UBA6: variants seen among roughly 807,000 people sequenced by gnomAD.
The protein encoded by UBA6 is ubiquitin like modifier activating enzyme 6.
UBA6 carries 87 observed loss-of-function variants against 148.3 expected under a neutral mutation model. That is an observed-to-expected ratio of 0.59 (90% confidence interval 0.49 to 0.70). The LOEUF (loss-of-function observed/expected upper bound fraction) is 0.70. UBA6 is among the 30% of genes least tolerant of loss of function. UBA6 has a pLI of 0.00. For synonymous variants in UBA6, 376 were observed against 401.0 expected (o/e 0.94, Z 0.75); for missense variants, 1,186 against 1,241.2 (o/e 0.96, Z 0.67).
intron 13 of UBA6, among the ~76,000 whole-genome samples, chr4:67,650,722 G>C (rs17571043): frequency 0.2 from 30,778 of 152,038 alleles, 3,373 homozygotes; most frequent in Middle Eastern, 0.3. Context: ...GAGAGTGAAA[G>C]GCCTTATGGT....
chr4:67,687,520 C>T (rs1730601834), intron 2 of UBA6, among the ~76,000 whole-genome samples: 1 of 152,114 alleles, frequency 6.6e-6, no homozygotes, highest in South Asian at 2.1e-4. Flanking sequence ...TAGATATTTG[C>T]TGAACATCTA....
intron 13 of UBA6, among the ~76,000 whole-genome samples, chr4:67,650,530 A>G (rs567835759): frequency 6.6e-6 from 1 of 152,202 alleles, no homozygotes; most frequent in Non-Finnish European, 1.5e-5. Flanking sequence ...AAACATATGC[A>G]TAATCACAAG....
rs1728636359 is a variant in UBA6, at chr4:67,616,791, AT to A, written c.*2205del. On this transcript the variant is annotated 3_prime_UTR_variant, in exon 33 of 33. Transcript: ENST00000322244. ...CTCTGGAGTCAACTTATGAAACATG[AT>A]TTACAAAGATATTCTTACATTTCTT... 1 of 152,174 alleles carries A rather than the reference AT, an allele frequency of 6.6e-6. No individual in the cohort carries two copies. The highest frequency in any genetic ancestry group is 1.5e-5 in the Non-Finnish European group (1 of 67,990). 9.4% of individuals were successfully genotyped at this position (152,174 alleles called of 1,614,324 possible).
At chr4:67,690,488 C>A (rs1218425923) in intron 2 of UBA6, among the ~76,000 whole-genome samples, 16 of 151,872 alleles carry the variant, frequency 1.1e-4, no homozygotes, top group Admixed American at 1.1e-3. Context: ...AGGAAACAGT[C>A]AACAAAATCA....
At chr4:67,670,226 G>C (rs1195103654) in intron 8 of UBA6, among the ~76,000 whole-genome samples, 1 of 152,154 alleles carries the variant, frequency 6.6e-6, no homozygotes, top group Non-Finnish European at 1.5e-5. Flanking sequence ...TTGTAGGCGT[G>C]AGCCACCATG....
chr4:67,635,327 C>T (rs913706595), intron 20 of UBA6, 126 bp downstream of exon 20: 9 of 554,780 alleles, frequency 1.6e-5, no homozygotes, highest in Non-Finnish European at 2.9e-5. Flanking sequence ...TGTACATGCA[C>T]ATATGTATGA....
intron 19 of UBA6, chr4:67,638,430 TTCC>T (rs2109910074): frequency 6.2e-6 from 1 of 162,248 alleles, no homozygotes; most frequent in Non-Finnish European, 1.4e-5. Flanking sequence ...ATGCTCACGT[TTCC>T]TCCTCTAGTA....
chr4:67,678,361 T>C (rs983216664), intron 5 of UBA6, 78 bp downstream of exon 5: 4 of 792,934 alleles, frequency 5.0e-6, no homozygotes, highest in East Asian at 2.9e-5. Flanking sequence ...CTATGACTGA[T>C]TGGTGTTCTA....
At position 67,624,999 on chromosome 4, in the gene UBA6, C is replaced by T. The variant is rs1294766603; in HGVS notation, c.2707G>A (p.Gly903Ser). 1 of 1,599,204 alleles carries T rather than the reference C, an allele frequency of 6.3e-7. No individual in the cohort carries two copies. Among genetic ancestry groups the T allele is most frequent in the East Asian group, 2.2e-5 (1 of 44,698 alleles). Residue 903 changes from glycine (G) to serine (S), a missense_variant, in exon 29 of 33, where the codon GGC becomes AGC. Coordinates refer to ENST00000322244, the MANE Select transcript of UBA6 (RefSeq NM_018227.6). ...TCAAGGAATAATAAACTTACCAAGC[C>T]AGAAACTGTAGCAGTGGTTGTTGCT... ...AIATTTATVSGLVALEMIKVT... is the reference protein window; with the variant it reads ...AIATTTATVSSLVALEMIKVT...
intron 1 of UBA6, among the ~76,000 whole-genome samples, chr4:67,699,647 C>G (rs984027768): frequency 4.6e-5 from 7 of 152,170 alleles, no homozygotes; most frequent in African/African-American, 1.7e-4. Flanking sequence ...GTCACCCAGA[C>G]TGGAGTGCAG....
chr4:67,695,681 A>G (rs1238065008), intron 2 of UBA6, among the ~76,000 whole-genome samples: 1 of 152,202 alleles, frequency 6.6e-6, no homozygotes, highest in Non-Finnish European at 1.5e-5. Context: ...TAAATGTACT[A>G]ATTCAGTTAA....
chr4:67,633,657 G>A (rs1326199533), intron 22 of UBA6, among the ~76,000 whole-genome samples, 184 bp from the exon 23 acceptor site: 3 of 151,866 alleles, frequency 2.0e-5, no homozygotes, highest in Non-Finnish European at 4.4e-5. Flanking sequence ...TTTGAGAAGG[G>A]GAATGGTAAG....
chr4:67,630,372 T>C (rs766701009), intron 26 of UBA6, 94 bp downstream of exon 26: 1 of 833,146 alleles, frequency 1.2e-6, no homozygotes, highest in Non-Finnish European at 1.9e-6. Context: ...GTGATTCTTA[T>C]AACAAACAAA....
intron 19 of UBA6, among the ~76,000 whole-genome samples, chr4:67,635,900 T>C (rs1729127496): frequency 6.6e-6 from 1 of 152,212 alleles, no homozygotes. Flanking sequence ...ATATTTTCTT[T>C]ATCCCAAATA....
At chr4:67,644,872 T>C (rs1729386978) in intron 16 of UBA6, 94 bp from the exon 17 acceptor site, 1 of 591,860 alleles carries the variant, frequency 1.7e-6, no homozygotes, top group Admixed American at 3.0e-5. Flanking sequence ...TTTACCACTG[T>C]TTCAACGAAA....
intron 25 of UBA6, 63 bp downstream of exon 25, chr4:67,631,645 T>G (rs996591154): frequency 2.4e-5 from 30 of 1,229,986 alleles, no homozygotes; most frequent in Middle Eastern, 5.5e-4. Flanking sequence ...AATGTACAGT[T>G]AAGGAATTTA....
In UBA6 at chr4:67,624,943, G is replaced by C. The variant is rs955095401; in HGVS notation, c.2712+51C>G. 11 of 1,491,252 alleles carry C rather than the reference G, an allele frequency of 7.4e-6. No individual in the cohort carries two copies. In the African/African-American group the frequency reaches 1.5e-4, roughly 20 times the overall value. The allele number at this position is 1,491,252 out of a possible 1,614,324, so 92.4% of individuals were successfully genotyped here. A position where few individuals can be genotyped will look rare whatever the true frequency, so the allele number is the denominator to read the frequency against. Reference sequence around the variant, plus strand: ...TGGGTTGGTATGACGGGGAAGTCAGGGAAGAGGCAATGAAAAAGGAGCATT... The same window carrying C: ...TGGGTTGGTATGACGGGGAAGTCAGCGAAGAGGCAATGAAAAAGGAGCATT... On this transcript the variant is annotated intron_variant, in intron 29 of 32. Coordinates refer to ENST00000322244, the MANE Select transcript of UBA6 (RefSeq NM_018227.6).
chr4:67,641,031 G>A (rs1729293757), intron 18 of UBA6, 120 bp downstream of exon 18: 1 of 671,422 alleles, frequency 1.5e-6, no homozygotes, highest in Non-Finnish European at 2.6e-6. Flanking sequence ...TCCATTAATT[G>A]ATAATTTGAA....
In UBA6 at chr4:67,645,596, C is replaced by CAA. The variant is rs199765929; in HGVS notation, c.1395+341_1395+342insTT. Among the ~76,000 whole-genome samples, 13 of 133,442 alleles carry CAA rather than the reference C, an allele frequency of 9.7e-5. 1 individual carries two copies. Among genetic ancestry groups the CAA allele is most frequent in the Admixed American group, 3.8e-4 (5 of 13,328 alleles). The allele number at this position is 133,442 out of a possible 152,430, so 87.5% of individuals were successfully genotyped here. On this transcript the variant is annotated intron_variant, in intron 16 of 32. Coordinates refer to ENST00000322244, the MANE Select transcript of UBA6 (RefSeq NM_018227.6). Reference sequence around the variant, plus strand: ...TGAGTGACAGAGCGAGACTTTGTCTCAGAAAAAAAAAAAAGAAATACAGAA... The same window carrying CAA: ...TGAGTGACAGAGCGAGACTTTGTCTCAAAGAAAAAAAAAAAAGAAATACAGAA...
Sources: gnomAD v4.1 joint callset for allele counts (sites outside exome capture counted in the v4.1 genomes callset) on GRCh38, gnomAD v4.1.1 for gene constraint, MANE v1.5 for transcripts, NCBI Gene and HGNC (gene_info 2026-07-23, HGNC 2026-07-21) for gene names.